The following PLEKHD1 variants were observed in gnomAD, a reference collection of about 807,000 sequenced individuals.
PLEKHD1 encodes the protein pleckstrin homology and coiled-coil domain containing D1.
PLEKHD1 carries 51 observed loss-of-function variants against 69.2 expected under a neutral mutation model. The ratio of observed to expected loss-of-function variants is 0.74; its 90% CI spans 0.59 to 0.93. The LOEUF is 0.93. PLEKHD1 is among the 40% of genes least tolerant of loss of function. PLEKHD1 has a pLI of 0.00. For missense variants in PLEKHD1, 584 were observed against 641.0 expected, an observed-to-expected ratio of 0.91 and a Z score of 0.96; for synonymous variants, 236 against 244.7, an observed-to-expected ratio of 0.96 and a Z score of 0.33.
rs147504228 is a variant in PLEKHD1, at chr14:69,510,567, A to G, written c.555+7688A>G. 2.4e-4 allele frequency among the ~76,000 whole-genome samples: 36 copies of G among 152,314 alleles called. No homozygotes were observed. In the East Asian group the frequency reaches 6.9e-3, roughly 29 times the overall value. On this transcript the variant is annotated intron_variant, in intron 6 of 12. Coordinates refer to ENST00000322564, the MANE Select transcript of PLEKHD1 (RefSeq NM_001161498.2). ...CAAATTCCACCTTTTTATTGCCAGT[A>G]TATAGGAAAATAATTGACTTTGTAC... is the stretch of plus-strand genomic sequence containing the variant.
intron 1 of PLEKHD1, among the ~76,000 whole-genome samples, chr14:69,494,819 G>T (rs556087449): frequency 6.6e-6 from 1 of 152,364 alleles, no homozygotes; most frequent in South Asian, 2.1e-4. Flanking sequence ...CTGTTGAGAA[G>T]ATGCTGAGAA....
intron 6 of PLEKHD1, among the ~76,000 whole-genome samples, chr14:69,518,379 TGAGA>T (rs1883434978): frequency 6.6e-6 from 1 of 152,148 alleles, no homozygotes; most frequent in Non-Finnish European, 1.5e-5. Context: ...GTGAGCTCCC[TGAGA>T]GCAAGGATAC....
intron 6 of PLEKHD1, among the ~76,000 whole-genome samples, chr14:69,521,185 GT>G (rs1214178489): frequency 1.3e-5 from 2 of 152,212 alleles, no homozygotes; most frequent in Middle Eastern, 3.2e-3. Flanking sequence ...AGCAGTCTTG[GT>G]GGTGACAACA....
At chr14:69,525,422 A>G (rs1883620665) in intron 8 of PLEKHD1, among the ~76,000 whole-genome samples, 1 of 152,036 alleles carries the variant, frequency 6.6e-6, no homozygotes, top group Non-Finnish European at 1.5e-5. Flanking sequence ...GCTTCTGTGT[A>G]ATGCCATTGA....
Position 69,502,868 on chromosome 14 carries a change from G to T in PLEKHD1, c.544G>T (p.Glu182Ter). 6.4e-7 allele frequency: 1 copy of T among 1,551,684 alleles called. No homozygotes were observed. The highest frequency in any genetic ancestry group is 1.2e-5 in the South Asian group (1 of 84,052). ...EETEELCLQR[E>*]QREELERLNQ... ...GACCGAAGAACTCTGCCTTCAGAGG[G>T]AGCAGAGAGAGGTAGGTGCACACCA... The change falls in exon 6 of 13, where the codon GAG (glutamate) becomes TAG (stop). Residue 182 changes from glutamate to a stop codon, truncating the protein, a stop_gained. Coordinates refer to ENST00000322564, the MANE Select transcript of PLEKHD1 (RefSeq NM_001161498.2). LOFTEE classifies it high-confidence loss of function.
chr14:69,491,735 G>A (rs892660764), intron 1 of PLEKHD1, among the ~76,000 whole-genome samples: 1 of 152,120 alleles, frequency 6.6e-6, no homozygotes, highest in African/African-American at 2.4e-5. Context: ...TTGAGCCCTT[G>A]TTGCATTCAG....
chr14:69,525,691 C>A (rs1266969795), intron 8 of PLEKHD1, among the ~76,000 whole-genome samples: 2 of 152,172 alleles, frequency 1.3e-5, no homozygotes, highest in East Asian at 1.9e-4. Context: ...GATCATGCGA[C>A]CCCGTTCTAG....
rs61745939 is a variant in PLEKHD1, at chr14:69,500,184, T to C, written c.219T>C (p.Asn73=). 268 of 1,549,180 alleles carry C rather than the reference T, an allele frequency of 1.7e-4. No individual in the cohort carries two copies. Among genetic ancestry groups the C allele is most frequent in the Non-Finnish European group, 2.2e-4 (252 of 1,144,904 alleles). The change falls in exon 2 of 13, where the codon AAT becomes AAC. Residue 73 remains asparagine (N), a synonymous_variant. Transcript: ENST00000322564. ...SESEKKSFET[N]KYFNIHPKGV... ...GCGAAAAAAAGAGCTTTGAAACCAATAAATACTTCAATATACATCCTAAGG... is the reference window on the plus strand; with the variant it reads ...GCGAAAAAAAGAGCTTTGAAACCAACAAATACTTCAATATACATCCTAAGG...
Position 69,524,169 on chromosome 14 carries a change from G to A in PLEKHD1, c.651-60G>A, listed in dbSNP as rs547585464. The A allele has an allele frequency of 3.0e-4, 396 of 1,341,466 alleles. 2 individuals carry two copies. In the African/African-American group the frequency reaches 5.2e-3, roughly 17 times the overall value. 83.1% of individuals were successfully genotyped at this position (1,341,466 alleles called of 1,614,324 possible). The stretch of plus-strand genomic sequence containing the variant: ...AAGCAAAAGCATTTCTAAGTGCAGA[G>A]GTGATTGGTGGGGGGTGGGGAGAGT... On this transcript the variant is annotated intron_variant, in intron 7 of 12. Coordinates refer to ENST00000322564, the MANE Select transcript of PLEKHD1 (RefSeq NM_001161498.2).
At chr14:69,473,703 T>C in the PLEKHD1 span, among the ~76,000 whole-genome samples, 1,214 of 152,250 alleles carry the variant, frequency 8.0e-3, 24 homozygotes, top group African/African-American at 0.028. Flanking sequence ...GCACAAGAAT[T>C]GAGGAATCCC....
rs192232687 is a variant in PLEKHD1 at position 69,514,523 on chromosome 14, G to A, written c.556-7760G>A. ...TCTTAATACATTAATCTTAGTTTGC[G>A]TTTAAATTCCTGGTCTGATAATTCC... On this transcript the variant is annotated intron_variant, in intron 6 of 12. Coordinates refer to ENST00000322564, the MANE Select transcript of PLEKHD1 (RefSeq NM_001161498.2). Among the ~76,000 whole-genome samples, 18 of 151,364 alleles carry A rather than the reference G, an allele frequency of 1.2e-4. No homozygotes were observed. In the East Asian group the frequency reaches 1.9e-3, roughly 16 times the overall value.
At chr14:69,500,514 C>A (rs1882999093) in intron 2 of PLEKHD1, 63 bp from the exon 3 acceptor site, 1 of 1,421,196 alleles carries the variant, frequency 7.0e-7, no homozygotes, top group South Asian at 1.4e-5. Context: ...CCAGGGGCCC[C>A]CAGAACCCCT....
chr14:69,471,442 A>C, the PLEKHD1 span, among the ~76,000 whole-genome samples: 1 of 152,046 alleles, frequency 6.6e-6, no homozygotes, highest in Admixed American at 6.6e-5. Flanking sequence ...AAACCAAGGC[A>C]CATCTCTGAA....
At chr14:69,526,640 A>C (rs1883654210) in intron 9 of PLEKHD1, 57 bp from the exon 10 acceptor site, 1 of 1,440,344 alleles carries the variant, frequency 6.9e-7, no homozygotes, top group African/African-American at 1.4e-5. Flanking sequence ...CTGTCCATCC[A>C]TTGGCAATCC....
intron 1 of PLEKHD1, among the ~76,000 whole-genome samples, chr14:69,493,614 A>G (rs942548766): frequency 2.0e-5 from 3 of 152,232 alleles, no homozygotes; most frequent in African/African-American, 7.2e-5. Context: ...AACACTTAGC[A>G]TCAGGGCCTT....
At chr14:69,501,700 TCTCTC>T (rs1281711810) in intron 4 of PLEKHD1, 29 bp from the exon 5 acceptor site, 5 of 1,469,834 alleles carry the variant, frequency 3.4e-6, no homozygotes, top group Non-Finnish European at 4.6e-6. Context: ...TTCTTCCTCT[TCTCTC>T]CTCTGTCCCA....
chr14:69,484,147 G>A (rs1882598775), upstream of PLEKHD1, among the ~76,000 whole-genome samples: 1 of 152,206 alleles, frequency 6.6e-6, no homozygotes, highest in Non-Finnish European at 1.5e-5. Flanking sequence ...GGGTTGGGGG[G>A]AACCCAATCT....
In PLEKHD1 at chr14:69,522,365, A is replaced by G. The variant is rs1883536702; in HGVS notation, c.638A>G (p.Glu213Gly). 1 of 1,551,352 alleles carries G rather than the reference A, an allele frequency of 6.4e-7. No homozygotes were observed. Among genetic ancestry groups the G allele is most frequent in the African/African-American group, 1.4e-5 (1 of 73,018 alleles). ...EVVQELRMEQ[E>G]QIKRELELTA... Reference sequence around the variant, plus strand: ...GTGCAGGAGCTGAGAATGGAGCAGGAGCAGATCAAGAGGTGGTGGTGGTGC... The same window carrying G: ...GTGCAGGAGCTGAGAATGGAGCAGGGGCAGATCAAGAGGTGGTGGTGGTGC... Residue 213 changes from glutamate to glycine, a missense_variant, in exon 7 of 13, where the codon GAG becomes GGG. Glu to Gly is a moderately conservative substitution (Grantham distance 98). Transcript: ENST00000322564.
the PLEKHD1 span, among the ~76,000 whole-genome samples, chr14:69,473,582 C>A: frequency 6.6e-6 from 1 of 152,158 alleles, no homozygotes; most frequent in African/African-American, 2.4e-5. Context: ...ATCAGAAAAC[C>A]CGGATCCTAT....
Sources: allele counts gnomAD v4.1 joint callset (sites outside exome capture counted in the v4.1 genomes callset), GRCh38; gene constraint gnomAD v4.1.1; transcripts MANE v1.5; gene names NCBI Gene and HGNC (gene_info 2026-07-23, HGNC 2026-07-21).